The following TMEM114 variants were observed in gnomAD, a reference collection of about 807,000 sequenced individuals.
TMEM114 encodes the protein claudin-26.
In TMEM114, 6 loss-of-function variants were observed where a neutral mutation model predicts 6.2. The observed-to-expected ratio is 0.97, with a 90% CI of 0.53 to 1.91. TMEM114 has a LOEUF of 1.91. Among genes scored for constraint, TMEM114 ranks in the 40% most tolerant of loss-of-function variants. TMEM114 has a pLI of 0.01. For synonymous variants in TMEM114, 104 were observed against 73.0 expected (o/e 1.42, Z -2.16); for missense variants, 218 against 158.3 (o/e 1.38, Z -2.02).
At chr16:8,550,492 A>G (rs866726223) in intron 2 of TMEM114, among the ~76,000 whole-genome samples, 5 of 152,194 alleles carry the variant, frequency 3.3e-5, no homozygotes, top group South Asian at 2.1e-4. Context: ...CAGCCTGACC[A>G]ACATGGTGAA....
the TMEM114 span, among the ~76,000 whole-genome samples, chr16:8,529,150 T>A: frequency 6.6e-6 from 1 of 152,274 alleles, no homozygotes; most frequent in South Asian, 2.1e-4. Context: ...GAAGCAAGGA[T>A]GACCAAAAAT....
downstream of TMEM114, among the ~76,000 whole-genome samples, chr16:8,533,536 A>T (rs1900275422): frequency 1.3e-5 from 2 of 152,262 alleles, no homozygotes; most frequent in Non-Finnish European, 2.9e-5. Context: ...ATAGGAAACC[A>T]CTGAATATTT....
At chr16:8,533,272 T>C (rs1050689059), downstream of TMEM114, among the ~76,000 whole-genome samples, 1 of 152,212 alleles carries the variant, frequency 6.6e-6, no homozygotes, top group African/African-American at 2.4e-5. Context: ...AGACATTTGA[T>C]AGAACATCTG....
At chr16:8,555,530 T>C (rs911978437) in intron 2 of TMEM114, among the ~76,000 whole-genome samples, 1 of 152,212 alleles carries the variant, frequency 6.6e-6, no homozygotes, top group Non-Finnish European at 1.5e-5. Flanking sequence ...GGTGTTGTCA[T>C]GGCAATGGTA....
At chr16:8,540,755 A>T (rs577977709) in intron 2 of TMEM114, among the ~76,000 whole-genome samples, 1 of 152,368 alleles carries the variant, frequency 6.6e-6, no homozygotes, top group African/African-American at 2.4e-5. Flanking sequence ...GGAGAGATGG[A>T]CATAAACCAA....
At chr16:8,536,264 A>C (rs1900356663), downstream of TMEM114, among the ~76,000 whole-genome samples, 1 of 152,058 alleles carries the variant, frequency 6.6e-6, no homozygotes. Flanking sequence ...ACACATCCTG[A>C]ATCCCAACTC....
At chr16:8,570,350 C>T (rs1374193724) in intron 3 of TMEM114, among the ~76,000 whole-genome samples, 2 of 151,980 alleles carry the variant, frequency 1.3e-5, no homozygotes, top group Non-Finnish European at 1.5e-5. Flanking sequence ...GAGTCTCGCT[C>T]TGTCGCCCAG....
chr16:8,543,300 C>T (rs929064752), intron 2 of TMEM114, among the ~76,000 whole-genome samples: 1 of 152,058 alleles, frequency 6.6e-6, no homozygotes, highest in African/African-American at 2.4e-5. Flanking sequence ...TTTATCGTTC[C>T]CCCTTGCCCT....
intron 2 of TMEM114, among the ~76,000 whole-genome samples, chr16:8,585,390 G>C (rs910479721): frequency 6.6e-6 from 1 of 152,030 alleles, no homozygotes; most frequent in Non-Finnish European, 1.5e-5. Flanking sequence ...CACTGAAGTG[G>C]TCTCTCTGTG....
At chr16:8,561,936 G>C (rs898296917) in intron 2 of TMEM114, among the ~76,000 whole-genome samples, 5 of 149,224 alleles carry the variant, frequency 3.4e-5, no homozygotes, top group Non-Finnish European at 7.4e-5. Flanking sequence ...GAGTGAGTGA[G>C]TAAGTGAATG....
At position 8,574,350 on chromosome 16, in the gene TMEM114, A is replaced by G. The variant is rs371555088; in HGVS notation, c.302-2126T>C. ...TTGCGTCCCGTAGAGCAGGCACTAAATAAATCATAACTCTATCAATAATAA... is the reference window on the plus strand; with the variant it reads ...TTGCGTCCCGTAGAGCAGGCACTAAGTAAATCATAACTCTATCAATAATAA... On this transcript the variant is annotated intron_variant, in intron 2 of 3. Coordinates refer to ENST00000620492, the MANE Select transcript of TMEM114 (RefSeq NM_001146336.2). 9.8e-4 allele frequency among the ~76,000 whole-genome samples: 150 copies of G among 152,360 alleles called. 2 individuals carry two copies. The highest frequency in any genetic ancestry group is 3.4e-3 in the African/African-American group (140 of 41,584).
chr16:8,584,808 G>C (rs539791541), intron 2 of TMEM114, among the ~76,000 whole-genome samples: 58 of 151,896 alleles, frequency 3.8e-4, no homozygotes, highest in African/African-American at 1.3e-3. Flanking sequence ...TGTAATCCCA[G>C]CTACTTGGGA....
chr16:8,557,380 T>C (rs918967382), intron 2 of TMEM114, among the ~76,000 whole-genome samples: 1 of 152,022 alleles, frequency 6.6e-6, no homozygotes, highest in East Asian at 1.9e-4. Context: ...GGGAGAGCCA[T>C]ATGGAAAGGC....
chr16:8,554,312 T>G (rs549446575), intron 2 of TMEM114, among the ~76,000 whole-genome samples: 17 of 152,172 alleles, frequency 1.1e-4, no homozygotes, highest in Admixed American at 5.9e-4. Flanking sequence ...TTCCAGCCCT[T>G]TGGGAGGCCA....
downstream of TMEM114, among the ~76,000 whole-genome samples, chr16:8,535,991 C>T (rs8044157): frequency 0.13 from 19,953 of 152,036 alleles, 1,465 homozygotes; most frequent in Middle Eastern, 0.21. Context: ...TTTGAGAGGT[C>T]GAGGCGGGCA....
the TMEM114 span, among the ~76,000 whole-genome samples, chr16:8,529,298 G>C: frequency 6.6e-6 from 1 of 152,144 alleles, no homozygotes; most frequent in Non-Finnish European, 1.5e-5. Context: ...TTCCAAAATG[G>C]TTCTGACCAG....
At chr16:8,568,411 G>A (rs557308092), downstream of TMEM114, among the ~76,000 whole-genome samples, 1 of 152,156 alleles carries the variant, frequency 6.6e-6, no homozygotes, top group East Asian at 1.9e-4. Context: ...TGATGTCATG[G>A]TGGTGTCATG....
chr16:8,533,608 A>C (rs554225664), downstream of TMEM114, among the ~76,000 whole-genome samples: 11 of 152,354 alleles, frequency 7.2e-5, no homozygotes, highest in African/African-American at 2.6e-4. Flanking sequence ...TGCTTTATGG[A>C]AAATTGAATT....
chr16:8,559,860 G>T (rs972839457), intron 2 of TMEM114, among the ~76,000 whole-genome samples: 1 of 152,168 alleles, frequency 6.6e-6, no homozygotes, highest in Non-Finnish European at 1.5e-5. Context: ...GATCCCCATG[G>T]GGCTCTTTAG....
Sources: gnomAD v4.1 joint callset for allele counts (sites outside exome capture counted in the v4.1 genomes callset) on GRCh38, gnomAD v4.1.1 for gene constraint, MANE v1.5 for transcripts, NCBI Gene and HGNC (gene_info 2026-07-23, HGNC 2026-07-21) for gene names.